SARDH: variants seen among roughly 807,000 people sequenced by gnomAD.
SARDH encodes the protein sarcosine dehydrogenase, mitochondrial.
In SARDH, 95 loss-of-function variants were observed where a neutral mutation model predicts 109.1. That is an observed-to-expected ratio of 0.87 (90% CI 0.74 to 1.03). SARDH has a LOEUF of 1.03. SARDH is among the 50% of genes least tolerant of loss of function. The pLI is 0.00. For synonymous variants in SARDH, 572 were observed against 534.8 expected, an observed-to-expected ratio of 1.07 and a Z score of -0.96; for missense variants, 1,267 against 1,287.8, an observed-to-expected ratio of 0.98 and a Z score of 0.25.
At chr9:133,707,183 T>C (rs1007854085) in intron 11 of SARDH, among the ~76,000 whole-genome samples, 22 of 152,186 alleles carry the variant, frequency 1.4e-4, no homozygotes, top group Admixed American at 1.1e-3. Flanking sequence ...GAACCAAGAT[T>C]TCCCTGGGGG....
intron 19 of SARDH, among the ~76,000 whole-genome samples, chr9:133,667,890 G>C (rs1383993438): frequency 6.6e-6 from 1 of 152,146 alleles, no homozygotes; most frequent in Non-Finnish European, 1.5e-5. Context: ...CGGAGTCCCA[G>C]AGCAGTGTGG....
intron 16 of SARDH, among the ~76,000 whole-genome samples, chr9:133,687,779 G>A (rs1830936788): frequency 1.3e-5 from 2 of 152,200 alleles, no homozygotes; most frequent in South Asian, 4.1e-4. Flanking sequence ...TAGGTGTGCT[G>A]AGCACGTCCT....
intron 10 of SARDH, among the ~76,000 whole-genome samples, chr9:133,708,960 C>T (rs1208654654): frequency 6.6e-6 from 1 of 152,188 alleles, no homozygotes; most frequent in Non-Finnish European, 1.5e-5. Context: ...GGGTGGCCGC[C>T]TGTCCCATCA....
chr9:133,708,516 G>A (rs951653278), intron 10 of SARDH, 88 bp from the exon 11 acceptor site: 9 of 1,472,822 alleles, frequency 6.1e-6, no homozygotes, highest in East Asian at 2.4e-5. Context: ...CCTGGACCCC[G>A]GTCCCCTGCA....
chr9:133,698,035 A>AAC (rs1831351430), intron 13 of SARDH, among the ~76,000 whole-genome samples: 1 of 147,156 alleles, frequency 6.8e-6, no homozygotes, highest in African/African-American at 2.5e-5. Context: ...AAAAAAGAAA[A>AAC]AAAACTGTTA....
At chr9:133,689,448 C>T (rs1430666048) in intron 16 of SARDH, among the ~76,000 whole-genome samples, 4 of 151,998 alleles carry the variant, frequency 2.6e-5, no homozygotes, top group African/African-American at 7.2e-5. Context: ...TAGACTAGGC[C>T]GTTTTCTCAC....
At chr9:133,724,666 A>C (rs928108437) in intron 6 of SARDH, among the ~76,000 whole-genome samples, 2 of 152,222 alleles carry the variant, frequency 1.3e-5, no homozygotes, top group South Asian at 4.1e-4. Flanking sequence ...TCCAGTGTAT[A>C]GACTGAGTAT....
intron 17 of SARDH, among the ~76,000 whole-genome samples, chr9:133,673,023 G>T (rs1295363498): frequency 1.3e-5 from 2 of 152,232 alleles, no homozygotes; most frequent in Admixed American, 1.3e-4. Context: ...TGGGAACACG[G>T]TCAGTAATGT....
At chr9:133,698,271 G>T (rs1352419520) in intron 13 of SARDH, among the ~76,000 whole-genome samples, 1 of 152,018 alleles carries the variant, frequency 6.6e-6, no homozygotes, top group Non-Finnish European at 1.5e-5. Context: ...AATGAGAGAA[G>T]ACCTAAATAA....
rs1263121468 is a variant in SARDH at position 133,717,455 on chromosome 9, C to T, written c.1021G>A (p.Val341Met). 2 of 1,614,052 alleles carry T rather than the reference C, an allele frequency of 1.2e-6. No homozygotes were observed. The highest frequency in any genetic ancestry group is 1.7e-5 in the Admixed American group (1 of 60,016). The change falls in exon 8 of 21, where the codon GTG becomes ATG. Residue 341 changes from valine (V) to methionine (M), a missense_variant and splice_region_variant. Physicochemically the swap from Val to Met is conservative, Grantham distance 21. Transcript: ENST00000439388. ...YEANPIFWEEVSDKFAFGLFD... is the reference protein window; with the variant it reads ...YEANPIFWEEMSDKFAFGLFD... ...AGGCCGAAGGCAAACTTGTCTGACA[C>T]CTGCCAAGGCAGGGCAGGGGAACAT...
At chr9:133,688,100 C>T (rs962259134) in intron 16 of SARDH, among the ~76,000 whole-genome samples, 6 of 152,168 alleles carry the variant, frequency 3.9e-5, no homozygotes, top group Non-Finnish European at 7.3e-5. Context: ...CCAAGGCTGG[C>T]GTGGCAATGA....
intron 14 of SARDH, 45 bp downstream of exon 14, chr9:133,696,178 C>A (rs746885024): frequency 1.2e-6 from 2 of 1,607,756 alleles, no homozygotes. Flanking sequence ...TGAGGCTGTG[C>A]CCATGGAGTG....
At chr9:133,687,519 G>A (rs934146383) in intron 16 of SARDH, among the ~76,000 whole-genome samples, 3 of 152,082 alleles carry the variant, frequency 2.0e-5, no homozygotes, top group Admixed American at 6.5e-5. Context: ...GGACTCAAGC[G>A]ATCTTATCAC....
intron 17 of SARDH, among the ~76,000 whole-genome samples, chr9:133,680,668 T>C (rs1830666011): frequency 6.6e-6 from 1 of 152,154 alleles, no homozygotes; most frequent in Non-Finnish European, 1.5e-5. Context: ...CCCGGCCTCA[T>C]CTCATGGGAT....
Position 133,712,553 on chromosome 9 carries a change from G to T in SARDH, c.1328+66C>A, listed in dbSNP as rs186538542. 8.5e-6 allele frequency: 12 copies of T among 1,411,934 alleles called. No homozygotes were observed. Among genetic ancestry groups the T allele is most frequent in the African/African-American group, 1.4e-5 (1 of 71,032 alleles). The allele number at this position is 1,411,934 out of a possible 1,614,324, so 87.5% of individuals were successfully genotyped here. ...CAAGGCTCCTTTCTCAGTAGCCCTC[G>T]CTGTTTACCCCACGCCACCTGTCCT... On this transcript the variant is annotated intron_variant, in intron 10 of 20. Coordinates refer to ENST00000439388, the MANE Select transcript of SARDH (RefSeq NM_001134707.2). The surrounding 1 kb of genome is among the most constrained non-coding windows in gnomAD (Gnocchi z 4.1).
upstream of SARDH, among the ~76,000 whole-genome samples, chr9:133,738,785 G>A (rs1832968277): frequency 6.6e-6 from 1 of 152,202 alleles, no homozygotes; most frequent in Non-Finnish European, 1.5e-5. Flanking sequence ...GCCCCAGTTT[G>A]CTCACCCCCA....
intron 8 of SARDH, among the ~76,000 whole-genome samples, chr9:133,714,985 C>A (rs139304620): frequency 5.9e-5 from 9 of 152,332 alleles, no homozygotes; most frequent in African/African-American, 2.2e-4. Flanking sequence ...ACAAATGACT[C>A]ATGCGGGTTG....
At chr9:133,681,782 C>T (rs129943) in intron 17 of SARDH, among the ~76,000 whole-genome samples, 3,823 of 152,326 alleles carry the variant, frequency 0.025, 68 homozygotes, top group Middle Eastern at 0.048. Context: ...CTGCCACGGC[C>T]GGTGCGCGGC....
rs1343883653 is a variant in SARDH, at chr9:133,692,745, T to C, written c.1921+1513A>G. ...CTGGCTACCTGGTGCTTCCACACAG[T>C]GCAGGCTCACGTGATGACTGTTGAG... On this transcript the variant is annotated intron_variant, in intron 15 of 20. Coordinates refer to ENST00000439388, the MANE Select transcript of SARDH (RefSeq NM_001134707.2). The surrounding 1 kb of genome is among the most constrained non-coding windows in gnomAD (Gnocchi z 5.0). Among the ~76,000 whole-genome samples the C allele has an allele frequency of 6.6e-6, 1 of 152,134 alleles. No individual in the cohort carries two copies. Among genetic ancestry groups the C allele is most frequent in the East Asian group, 1.9e-4 (1 of 5,172 alleles).
Sources: allele counts gnomAD v4.1 joint callset (sites outside exome capture counted in the v4.1 genomes callset), GRCh38; gene constraint gnomAD v4.1.1; non-coding constraint Gnocchi (gnomAD v3.1); transcripts MANE v1.5; gene names NCBI Gene and HGNC (gene_info 2026-07-23, HGNC 2026-07-21).